Variants in SORD observed in about 807,000 individuals in gnomAD.
SORD encodes sorbitol dehydrogenase.
Under a neutral mutation model 35.6 loss-of-function variants are expected in SORD, and 18 were observed. The observed-to-expected ratio is 0.51, with a 90% CI of 0.35 to 0.75. The LOEUF is 0.75. SORD is among the 30% of genes least tolerant of loss of function. The pLI, the probability that SORD is intolerant of heterozygous loss-of-function variation, is 0.01. For missense variants in SORD, 250 were observed against 390.2 expected (o/e 0.64, Z 3.03); for synonymous variants, 106 against 152.9 (o/e 0.69, Z 2.26).
intron 1 of SORD, chr15:45,036,487 T>G: frequency 2.7e-6 from 1 of 372,450 alleles, no homozygotes; most frequent in Non-Finnish European, 5.2e-6. Flanking sequence ...AGGCCAGGAG[T>G]TCGAGATCAG....
intron 1 of SORD, among the ~76,000 whole-genome samples, chr15:45,030,311 G>A (rs1892755501): frequency 1.3e-5 from 2 of 152,228 alleles, no homozygotes; most frequent in African/African-American, 4.8e-5. Context: ...CTAGAATTAT[G>A]GATGTAGGGG....
At chr15:45,066,263 A>AAG (rs71114307) in intron 5 of SORD, among the ~76,000 whole-genome samples, 1,583 of 149,146 alleles carry the variant, frequency 0.011, 36 homozygotes, top group African/African-American at 0.037. Context: ...AAAAAAAAAA[A>AAG]GGAATTAATC....
At position 45,068,178 on chromosome 15, in the gene SORD, T is replaced by C; in HGVS notation, c.545-3T>C. ...AACATATTCCATCTTCTGCTTTGTT[T>C]AGGGCCAATCGGGATGGTCACTTTG... On this transcript the variant is annotated splice_polypyrimidine_tract_variant and splice_region_variant and intron_variant, in intron 5 of 8. Coordinates refer to ENST00000267814, the MANE Select transcript of SORD (RefSeq NM_003104.6). 1 of 1,613,084 alleles carries C rather than the reference T, an allele frequency of 6.2e-7. No individual in the cohort carries two copies. The highest frequency in any genetic ancestry group is 8.5e-7 in the Non-Finnish European group (1 of 1,179,028).
intron 1 of SORD, among the ~76,000 whole-genome samples, chr15:45,024,575 T>C (rs964813183): frequency 3.3e-5 from 5 of 152,116 alleles, no homozygotes; most frequent in African/African-American, 1.2e-4. Flanking sequence ...TTCCACTCTT[T>C]GGAGCCTCCA....
At chr15:45,068,739 T>G (rs183993760) in intron 6 of SORD, 138 bp from the exon 7 acceptor site, 1 of 1,069,904 alleles carries the variant, frequency 9.3e-7, no homozygotes, top group Non-Finnish European at 1.3e-6. Context: ...AGTATGTGTG[T>G]TGGGCTCAAC....
At chr15:45,057,051 A>G (rs1370099052) in intron 3 of SORD, among the ~76,000 whole-genome samples, 2 of 152,234 alleles carry the variant, frequency 1.3e-5, no homozygotes, top group Non-Finnish European at 2.9e-5. Flanking sequence ...TTTACTCTGG[A>G]TAAGGGCAGA....
At chr15:45,052,401 G>A (rs1893139927) in intron 3 of SORD, among the ~76,000 whole-genome samples, 1 of 152,158 alleles carries the variant, frequency 6.6e-6, no homozygotes, top group Non-Finnish European at 1.5e-5. Flanking sequence ...TTTACAGATG[G>A]GGCATGGAGC....
chr15:45,043,906 C>T (rs1486881187), intron 3 of SORD, among the ~76,000 whole-genome samples: 1 of 152,130 alleles, frequency 6.6e-6, no homozygotes, highest in Non-Finnish European at 1.5e-5. Flanking sequence ...CTGTGGCAGG[C>T]TGTGTTGTTC....
At chr15:45,034,138 C>T (rs1892822761) in intron 1 of SORD, among the ~76,000 whole-genome samples, 1 of 151,424 alleles carries the variant, frequency 6.6e-6, no homozygotes, top group Admixed American at 6.6e-5. Context: ...TTTGATTTTA[C>T]TTCTTTTGTA....
chr15:45,025,772 A>G (rs185684066), intron 1 of SORD, among the ~76,000 whole-genome samples: 6 of 152,308 alleles, frequency 3.9e-5, no homozygotes, highest in Admixed American at 2.0e-4. Context: ...ACTGAGCAGT[A>G]CTGCACTGCC....
intron 3 of SORD, among the ~76,000 whole-genome samples, chr15:45,049,183 C>G (rs2467840): frequency 6.6e-6 from 1 of 152,168 alleles, no homozygotes; most frequent in Non-Finnish European, 1.5e-5. Context: ...TGTTGGAAAG[C>G]ATTTCACCAA....
chr15:45,066,247 A>C (rs1263890299), intron 5 of SORD, among the ~76,000 whole-genome samples: 3 of 144,520 alleles, frequency 2.1e-5, no homozygotes, highest in Admixed American at 2.0e-4. Context: ...TCTGTCTCAA[A>C]AAAAAAAAAA....
chr15:45,028,336 A>G (rs115190467), intron 1 of SORD, among the ~76,000 whole-genome samples: 25,777 of 140,310 alleles, frequency 0.18, no homozygotes, highest in African/African-American at 0.43. Context: ...CAAAACAAAA[A>G]CAAACAAAAA....
At chr15:45,067,395 G>C (rs148476001) in intron 5 of SORD, among the ~76,000 whole-genome samples, 313 of 152,272 alleles carry the variant, frequency 2.1e-3, no homozygotes, top group African/African-American at 7.4e-3. Flanking sequence ...CATGTCAATA[G>C]ATAAAGAGTT....
intron 3 of SORD, among the ~76,000 whole-genome samples, chr15:45,048,367 C>T (rs1338725089): frequency 6.6e-6 from 1 of 152,180 alleles, no homozygotes; most frequent in Non-Finnish European, 1.5e-5. Context: ...AGAAGACTGA[C>T]TAATCCTGAG....
chr15:45,055,398 G>C (rs2141277174), intron 3 of SORD, among the ~76,000 whole-genome samples: 1 of 152,214 alleles, frequency 6.6e-6, no homozygotes, highest in East Asian at 1.9e-4. Context: ...AGAAGAAATG[G>C]ATAAATTCCT....
chr15:45,029,374 G>A (rs1018166632), intron 1 of SORD, among the ~76,000 whole-genome samples: 1 of 88,494 alleles, frequency 1.1e-5, no homozygotes, highest in African/African-American at 2.2e-4. Flanking sequence ...CGCCAGACCT[G>A]TGGAGTACTG....
intron 2 of SORD, 71 bp downstream of exon 2, chr15:45,040,512 G>A (rs957212389): frequency 8.8e-7 from 1 of 1,142,830 alleles, no homozygotes; most frequent in Admixed American, 1.8e-5. Flanking sequence ...CATGTATATT[G>A]TTCCCTTACC....
At chr15:45,037,948 C>T (rs1369003221) in intron 1 of SORD, among the ~76,000 whole-genome samples, 1 of 150,938 alleles carries the variant, frequency 6.6e-6, no homozygotes, top group Non-Finnish European at 1.5e-5. Flanking sequence ...GCACATGTAT[C>T]CCAGAACTTA....
Sources: gnomAD v4.1 joint callset for allele counts (sites outside exome capture counted in the v4.1 genomes callset) on GRCh38, gnomAD v4.1.1 for gene constraint, MANE v1.5 for transcripts, NCBI Gene and HGNC (gene_info 2026-07-23, HGNC 2026-07-21) for gene names.